The following PCSK6 variants were observed in gnomAD, a reference collection of about 807,000 sequenced individuals.
PCSK6 encodes proprotein convertase subtilisin/kexin type 6, also known as paired basic amino acid cleaving enzyme 4.
PCSK6 carries 85 observed loss-of-function variants against 123.3 expected under a neutral mutation model. The ratio of observed to expected loss-of-function variants is 0.69; its 90% CI spans 0.58 to 0.83. The LOEUF (loss-of-function observed/expected upper bound fraction) is 0.83, where lower values mean the gene tolerates loss of function less well. Ranked by LOEUF, PCSK6 falls within the 40% of genes least tolerant of loss-of-function variation. PCSK6 has a pLI of 0.00. For missense variants in PCSK6, 1,191 were observed against 1,282.3 expected (o/e 0.93, Z 1.09); for synonymous variants, 508 against 516.0 (o/e 0.98, Z 0.21).
At position 101,324,952 on chromosome 15, in the gene PCSK6, T is replaced by C. The variant is rs1028739697; in HGVS notation, c.2275A>G (p.Arg759Gly). 8 of 1,613,434 alleles carry C rather than the reference T, an allele frequency of 5.0e-6. No homozygotes were observed. Among genetic ancestry groups the C allele is most frequent in the Non-Finnish European group, 6.8e-6 (8 of 1,179,886 alleles). Reference sequence around the variant, plus strand: ...CAAGACAGGCACTGCGTCGCAGCTCTGCTGGAGCAGGTCTCACACCCCTTG... The same window carrying C: ...CAAGACAGGCACTGCGTCGCAGCTCCGCTGGAGCAGGTCTCACACCCCTTG... ...CHKGCETCSS[R>G]AATQCLSCRR... The change falls in exon 17 of 22, where the codon AGA (arginine) becomes GGA (glycine). Residue 759 changes from arginine (R) to glycine (G), a missense_variant. By Grantham distance (125) the Arg-to-Gly change is moderately radical (BLOSUM62 -2). Transcript: ENST00000611716.
chr15:101,398,254 T>C lies in PCSK6; in HGVS notation c.996+150A>G. ...AGAGCCACTTCTCAGACTCCCCGAG[T>C]GACTCCTCCACACTGGCCCTGGCAC... On this transcript the variant is annotated intron_variant, in intron 7 of 21. Transcript: ENST00000611716. The surrounding 1 kb of genome is among the most constrained non-coding windows in gnomAD (Gnocchi z 4.6). The C allele has an allele frequency of 1.1e-6, 1 of 919,952 alleles. No individual in the cohort carries two copies. Among genetic ancestry groups the C allele is most frequent in the South Asian group, 2.2e-5 (1 of 45,014 alleles). 57.0% of individuals were successfully genotyped at this position (919,952 alleles called of 1,614,324 possible).
rs1415942701 is a variant in PCSK6 at position 101,427,961 on chromosome 15, C to CCGCA, written c.750_753dup (p.Gly252CysfsTer73). ...TTGTTTGCTGAAGCAGCAACTTCTC[C>CCGCA]CGCACAACGAGTGCCGTGTCTGAAA... On this transcript the variant is annotated frameshift_variant, in exon 6 of 22. Transcript: ENST00000611716. LOFTEE classifies it high-confidence loss of function. 6.3e-7 allele frequency: 1 copy of CCGCA among 1,581,822 alleles called. No homozygotes were observed. The highest frequency in any genetic ancestry group is 1.8e-5 in the Admixed American group (1 of 55,334).
chr15:101,322,628 A>G (rs144769811), intron 17 of PCSK6, 21 bp from the exon 18 acceptor site: 15,462 of 1,448,076 alleles, frequency 0.011, 111 homozygotes, highest in Non-Finnish European at 0.013. Context: ...ATAGCGAGAT[A>G]AGAAAAGAGA....
intron 2 of PCSK6, among the ~76,000 whole-genome samples, chr15:101,437,666 G>A (rs1033401709): frequency 6.6e-6 from 1 of 152,334 alleles, no homozygotes; most frequent in Non-Finnish European, 1.5e-5. Flanking sequence ...TGCCGATGAC[G>A]GAAATGGGAC....
intron 2 of PCSK6, among the ~76,000 whole-genome samples, chr15:101,440,694 T>C (rs999555989): frequency 6.6e-6 from 1 of 152,240 alleles, no homozygotes; most frequent in Non-Finnish European, 1.5e-5. Context: ...TTGTTAATAA[T>C]ATTAATTACA....
intron 1 of PCSK6, among the ~76,000 whole-genome samples, chr15:101,454,728 T>C (rs987448225): frequency 1.3e-5 from 2 of 152,040 alleles, no homozygotes; most frequent in African/African-American, 4.8e-5. Context: ...ACAGATCACA[T>C]GAGGTCAGGA....
At chr15:101,469,213 ATGGTCAGTTTTC>A (rs1399979577) in intron 1 of PCSK6, among the ~76,000 whole-genome samples, 2 of 152,146 alleles carry the variant, frequency 1.3e-5, no homozygotes, top group Non-Finnish European at 1.5e-5. Context: ...TTTAATTAAG[ATGGTCAGTTTTC>A]TGTACAATCC....
At chr15:101,381,971 C>T (rs946931722) in intron 11 of PCSK6, 121 bp downstream of exon 11, 8 of 655,502 alleles carry the variant, frequency 1.2e-5, no homozygotes, top group African/African-American at 3.6e-5. Context: ...AGGCATGCAT[C>T]GTGCACACGC....
chr15:101,350,998 A>G (rs1442431167), intron 13 of PCSK6, among the ~76,000 whole-genome samples: 1 of 152,226 alleles, frequency 6.6e-6, no homozygotes, highest in Non-Finnish European at 1.5e-5. Context: ...AAGGTAATGA[A>G]TATTCACAAA....
At chr15:101,456,288 C>T (rs2057177381) in intron 1 of PCSK6, among the ~76,000 whole-genome samples, 1 of 152,168 alleles carries the variant, frequency 6.6e-6, no homozygotes, top group Non-Finnish European at 1.5e-5. Flanking sequence ...GGTGAAGACC[C>T]ACCCACAGTG....
intron 1 of PCSK6, among the ~76,000 whole-genome samples, chr15:101,446,870 A>G (rs1056772717): frequency 3.3e-5 from 5 of 152,006 alleles, no homozygotes; most frequent in Non-Finnish European, 5.9e-5. Context: ...AAACCTTGTC[A>G]GATGCTCCAA....
At chr15:101,385,039 C>CA (rs1338280634) in intron 9 of PCSK6, among the ~76,000 whole-genome samples, 1 of 152,216 alleles carries the variant, frequency 6.6e-6, no homozygotes, top group Admixed American at 6.5e-5. Context: ...GTGTGTAAGA[C>CA]AGGGTCTCGC....
chr15:101,327,786 C>T (rs112558270), intron 15 of PCSK6, among the ~76,000 whole-genome samples: 1 of 152,144 alleles, frequency 6.6e-6, no homozygotes, highest in Non-Finnish European at 1.5e-5. Context: ...CTTCCCTCCC[C>T]GAAGGCTCTC....
rs146671508 is a variant in PCSK6, at chr15:101,339,468, A to G, written c.1859-7437T>C. Among the ~76,000 whole-genome samples, 447 of 152,342 alleles carry G rather than the reference A, an allele frequency of 2.9e-3. 1 individual carries two copies. Among genetic ancestry groups the G allele is most frequent in the Non-Finnish European group, 4.7e-3 (318 of 68,040 alleles). On this transcript the variant is annotated intron_variant, in intron 13 of 21. Transcript: ENST00000611716. ...TTAATGCAGAGGTTTGGGCGGAAGG[A>G]ATAAAAAAGCTTACTTCCATCCATT...
intron 6 of PCSK6, among the ~76,000 whole-genome samples, chr15:101,423,870 A>G (rs2056165454): frequency 6.6e-6 from 1 of 152,222 alleles, no homozygotes; most frequent in Admixed American, 6.5e-5. Context: ...AGAAAACTAC[A>G]TAAAAGAATG....
rs2040737982 is a variant in PCSK6, at chr15:101,346,669, C to T, written c.1859-14638G>A. On this transcript the variant is annotated intron_variant, in intron 13 of 21. Transcript: ENST00000611716. The stretch of plus-strand genomic sequence containing the variant: ...GCCCAAGCGTACCTCATTCCTAAAA[C>T]TGAGGGCAAATCTGGGAAAGGGGTT... 4.1e-6 allele frequency: 4 copies of T among 969,338 alleles called. No homozygotes were observed. The South Asian group carries it at 2.2e-4, about 53-fold the overall frequency. The allele number at this position is 969,338 out of a possible 1,614,324, so 60.0% of individuals were successfully genotyped here.
At position 101,307,202 on chromosome 15, in the gene PCSK6, C is replaced by G; in HGVS notation, c.2812+11G>C. ...CACAGGCAGCCCCAGGGTAACCCAG[C>G]TGCTGCTCACCGTTGCTGCACGTGT... On this transcript the variant is annotated intron_variant, in intron 21 of 21. Coordinates refer to ENST00000611716, the MANE Select transcript of PCSK6 (RefSeq NM_002570.5). 6.2e-7 allele frequency: 1 copy of G among 1,601,456 alleles called. No homozygotes were observed. The highest frequency in any genetic ancestry group is 8.6e-7 in the Non-Finnish European group (1 of 1,169,390).
chr15:101,312,659 G>T (rs910317582), intron 20 of PCSK6, among the ~76,000 whole-genome samples: 1 of 152,120 alleles, frequency 6.6e-6, no homozygotes, highest in Middle Eastern at 3.4e-3. Flanking sequence ...GGTGAAACCC[G>T]GTCTCTATTA....
chr15:101,439,332 C>T lies in PCSK6; in HGVS notation c.402+4224G>A, dbSNP rs562975358. Among the ~76,000 whole-genome samples the T allele has an allele frequency of 2.6e-5, 4 of 152,332 alleles. No individual in the cohort carries two copies. The South Asian group carries it at 6.2e-4, about 24-fold the overall frequency. ...ATCTAAGCGGAAGGGCAGAGCATGTCGTGAAAGAATAAAATGCTGTCTTTT... is the reference window on the plus strand; with the variant it reads ...ATCTAAGCGGAAGGGCAGAGCATGTTGTGAAAGAATAAAATGCTGTCTTTT... On this transcript the variant is annotated intron_variant, in intron 2 of 21. Transcript: ENST00000611716.
Sources: allele counts gnomAD v4.1 joint callset (sites outside exome capture counted in the v4.1 genomes callset), GRCh38; gene constraint gnomAD v4.1.1; non-coding constraint Gnocchi (gnomAD v3.1); transcripts MANE v1.5; gene names NCBI Gene and HGNC (gene_info 2026-07-23, HGNC 2026-07-21).